Variants in PDZRN4 observed in about 807,000 individuals in gnomAD.
PDZRN4 encodes PDZ domain containing ring finger 4.
Under a neutral mutation model 99.0 loss-of-function variants are expected in PDZRN4, and 70 were observed. That is an observed-to-expected ratio of 0.71 (90% CI 0.58 to 0.86). The LOEUF (loss-of-function observed/expected upper bound fraction) is 0.86, where lower values mean the gene tolerates loss of function less well. Ranked by LOEUF, PDZRN4 falls within the 40% of genes least tolerant of loss-of-function variation. PDZRN4 has a pLI of 0.00. For synonymous variants in PDZRN4, 551 were observed against 501.6 expected (o/e 1.10, Z -1.32); for missense variants, 1,474 against 1,331.2 (o/e 1.11, Z -1.67).
chr12:41,555,610 T>G, intron 6 of PDZRN4, 88 bp from the exon 7 acceptor site: 4 of 1,026,130 alleles, frequency 3.9e-6, no homozygotes, highest in Non-Finnish European at 6.1e-6. Context: ...TGAAACAGCT[T>G]TTTCAAAATA....
At chr12:41,395,185 A>G (rs972155581) in intron 3 of PDZRN4, among the ~76,000 whole-genome samples, 11 of 152,172 alleles carry the variant, frequency 7.2e-5, no homozygotes, top group African/African-American at 2.7e-4. Context: ...CTTCTGCTAT[A>G]GATCCTTAAA....
chr12:41,464,450 A>G (rs1952906075), intron 3 of PDZRN4, among the ~76,000 whole-genome samples: 1 of 152,210 alleles, frequency 6.6e-6, no homozygotes, highest in Non-Finnish European at 1.5e-5. Context: ...AATAGTGTCT[A>G]GGGAAGAGCC....
At chr12:41,453,051 CT>C (rs1952788173) in intron 3 of PDZRN4, among the ~76,000 whole-genome samples, 1 of 152,134 alleles carries the variant, frequency 6.6e-6, no homozygotes, top group East Asian at 1.9e-4. Context: ...AGCTCTGAAA[CT>C]GGAATGGCCT....
At chr12:41,558,566 A>G (rs1010909884) in intron 7 of PDZRN4, among the ~76,000 whole-genome samples, 31 of 145,812 alleles carry the variant, frequency 2.1e-4, no homozygotes, top group African/African-American at 8.2e-4. Context: ...ATACATGCAT[A>G]CTGTATGTTA....
chr12:41,486,060 T>A (rs1937767317), intron 3 of PDZRN4, among the ~76,000 whole-genome samples: 1 of 152,186 alleles, frequency 6.6e-6, no homozygotes, highest in Non-Finnish European at 1.5e-5. Context: ...GAATAATAGA[T>A]TATCATGGAC....
At chr12:41,359,045 T>C (rs760090327) in intron 3 of PDZRN4, among the ~76,000 whole-genome samples, 30 of 152,064 alleles carry the variant, frequency 2.0e-4, no homozygotes, top group Non-Finnish European at 3.2e-4. Flanking sequence ...CCCATTTCTA[T>C]TGTTATTTAC....
intron 7 of PDZRN4, among the ~76,000 whole-genome samples, chr12:41,558,238 T>C (rs1939202878): frequency 6.6e-6 from 1 of 152,214 alleles, no homozygotes; most frequent in African/African-American, 2.4e-5. Flanking sequence ...TCCACAATAC[T>C]ATAATAGAGT....
intron 3 of PDZRN4, among the ~76,000 whole-genome samples, chr12:41,326,530 A>T (rs1051689788): frequency 1.8e-4 from 28 of 152,204 alleles, no homozygotes; most frequent in African/African-American, 6.8e-4. Context: ...AAGGTTGAAG[A>T]TTGAGCAGAA....
At position 41,544,796 on chromosome 12, in the gene PDZRN4, C is replaced by T. The variant is rs189376820; in HGVS notation, c.1204-7860C>T. On this transcript the variant is annotated intron_variant, in intron 5 of 9. Coordinates refer to ENST00000402685, the MANE Select transcript of PDZRN4 (RefSeq NM_001164595.2). ...TACCATCTGGCAATTAAGCTGAGAG[C>T]TGAAAAATGAGAAAGAGCAATATAC... Among the ~76,000 whole-genome samples, 404 of 152,214 alleles carry T rather than the reference C, an allele frequency of 2.7e-3. 2 individuals carry two copies. The highest frequency in any genetic ancestry group is 9.3e-3 in the African/African-American group (385 of 41,526).
At chr12:41,236,212 ATCT>A (rs1951065593) in intron 3 of PDZRN4, among the ~76,000 whole-genome samples, 1 of 152,192 alleles carries the variant, frequency 6.6e-6, no homozygotes, top group South Asian at 2.1e-4. Context: ...GAAGAAAATT[ATCT>A]TATTTGTGCC....
chr12:41,513,238 C>A (rs1397673683), intron 5 of PDZRN4, among the ~76,000 whole-genome samples: 2 of 152,026 alleles, frequency 1.3e-5, no homozygotes, highest in Non-Finnish European at 2.9e-5. Context: ...CAAGCAAATG[C>A]TTCTTTGGAG....
At chr12:41,284,464 A>G (rs1951409437) in intron 3 of PDZRN4, among the ~76,000 whole-genome samples, 1 of 152,082 alleles carries the variant, frequency 6.6e-6, no homozygotes, top group Admixed American at 6.6e-5. Flanking sequence ...GCTATTTCCA[A>G]CAAGCTATTA....
intron 3 of PDZRN4, among the ~76,000 whole-genome samples, chr12:41,470,346 CTTTTG>C (rs1202304189): frequency 6.6e-6 from 1 of 152,046 alleles, no homozygotes; most frequent in African/African-American, 2.4e-5. Context: ...ATTGGATACT[CTTTTG>C]TTTTGTTTTG....
At chr12:41,420,282 G>C (rs1952478089) in intron 3 of PDZRN4, among the ~76,000 whole-genome samples, 1 of 151,936 alleles carries the variant, frequency 6.6e-6, no homozygotes, top group African/African-American at 2.4e-5. Flanking sequence ...TTCTAGATTT[G>C]TACTCTGTCT....
chr12:41,310,702 GCTA>G (rs1197774031), intron 3 of PDZRN4, among the ~76,000 whole-genome samples: 1 of 152,056 alleles, frequency 6.6e-6, no homozygotes, highest in Non-Finnish European at 1.5e-5. Context: ...AAAAGCAAAG[GCTA>G]CTTTTTTCCC....
intron 3 of PDZRN4, among the ~76,000 whole-genome samples, chr12:41,479,916 T>C (rs1937647768): frequency 6.6e-6 from 1 of 152,216 alleles, no homozygotes; most frequent in African/African-American, 2.4e-5. Context: ...TAAATGTGAA[T>C]GAACATCATT....
chr12:41,502,729 G>A (rs977403998), intron 3 of PDZRN4, among the ~76,000 whole-genome samples: 3 of 151,828 alleles, frequency 2.0e-5, no homozygotes, highest in South Asian at 2.1e-4. Flanking sequence ...TATGTCATCC[G>A]TACAAGACTA....
chr12:41,346,892 A>G (rs1159068409), intron 3 of PDZRN4, among the ~76,000 whole-genome samples: 2 of 152,212 alleles, frequency 1.3e-5, no homozygotes, highest in African/African-American at 4.8e-5. Flanking sequence ...TATGAATAGA[A>G]TCATACAGTA....
intron 3 of PDZRN4, among the ~76,000 whole-genome samples, chr12:41,354,360 T>G (rs1951912361): frequency 6.6e-6 from 1 of 152,008 alleles, no homozygotes; most frequent in African/African-American, 2.4e-5. Flanking sequence ...ACTTATGTAT[T>G]TGCATCAGAG....
Sources: allele counts gnomAD v4.1 joint callset (sites outside exome capture counted in the v4.1 genomes callset), GRCh38; gene constraint gnomAD v4.1.1; transcripts MANE v1.5; gene names NCBI Gene and HGNC (gene_info 2026-07-23, HGNC 2026-07-21).